The following SDCBP2 variants were observed in gnomAD, a reference collection of about 807,000 sequenced individuals.
SDCBP2 encodes the protein syntenin-2.
SDCBP2 carries 28 observed loss-of-function variants against 30.7 expected under a neutral mutation model. The observed-to-expected ratio is 0.91, with a 90% CI of 0.68 to 1.25. The LOEUF is 1.25. Among genes scored for constraint, SDCBP2 ranks in the 50% most tolerant of loss-of-function variants. SDCBP2 has a pLI of 0.00. For synonymous variants in SDCBP2, 166 were observed against 157.3 expected (o/e 1.06, Z -0.41); for missense variants, 399 against 379.0 (o/e 1.05, Z -0.44).
At chr20:1,316,249 T>A (rs909806992) in intron 4 of SDCBP2, among the ~76,000 whole-genome samples, 9 of 152,192 alleles carry the variant, frequency 5.9e-5, no homozygotes, top group Non-Finnish European at 1.2e-4. Context: ...ATTAAGACCA[T>A]GATGAGCCAT....
At chr20:1,312,967 T>A (rs1292608175) in intron 5 of SDCBP2, 1 of 619,934 alleles carries the variant, frequency 1.6e-6, no homozygotes, top group Admixed American at 3.0e-5. Flanking sequence ...GAGTCAGGAT[T>A]TCAACCCTGG....
At position 1,313,330 on chromosome 20, in the gene SDCBP2, C is replaced by G. The variant is rs760804497; in HGVS notation, c.384+10G>C. The G allele has an allele frequency of 1.1e-5, 17 of 1,609,768 alleles. No homozygotes were observed. The highest frequency in any genetic ancestry group is 1.3e-5 in the African/African-American group (1 of 74,890). On this transcript the variant is annotated intron_variant, in intron 5 of 8. Transcript: ENST00000360779. This position sits in a 1 kb window ranked among gnomAD's most constrained non-coding sequence, Gnocchi z 5.2. Reference sequence around the variant, plus strand: ...CGAGCTCCTCTTCCCACCCAGCCCCCGCGCCCTACCTGGTCGACCTTCCGC... The same window carrying G: ...CGAGCTCCTCTTCCCACCCAGCCCCGGCGCCCTACCTGGTCGACCTTCCGC...
intron 2 of SDCBP2, among the ~76,000 whole-genome samples, 160 bp from the exon 3 acceptor site, chr20:1,319,819 G>A (rs1014673741): frequency 1.3e-5 from 2 of 152,208 alleles, no homozygotes; most frequent in African/African-American, 2.4e-5. Flanking sequence ...TCACGTAAAC[G>A]TGGCCTCCGC....
In SDCBP2 at chr20:1,313,204, G is replaced by T; in HGVS notation, c.384+136C>A. ...GGGTCTCGGGGAGGAGGGACTGGGGGCAAGAGCCTGGCCGCTGGGGTTAGG... is the reference window on the plus strand; with the variant it reads ...GGGTCTCGGGGAGGAGGGACTGGGGTCAAGAGCCTGGCCGCTGGGGTTAGG... On this transcript the variant is annotated intron_variant, in intron 5 of 8. Transcript: ENST00000360779. The surrounding 1 kb of genome is among the most constrained non-coding windows in gnomAD (Gnocchi z 5.2). 1.1e-6 allele frequency: 1 copy of T among 929,784 alleles called. No individual in the cohort carries two copies. Among genetic ancestry groups the T allele is most frequent in the Non-Finnish European group, 1.6e-6 (1 of 613,290 alleles). 57.6% of individuals were successfully genotyped at this position (929,784 alleles called of 1,614,324 possible).
At chr20:1,316,929 C>T (rs1463059143) in intron 4 of SDCBP2, among the ~76,000 whole-genome samples, 3 of 152,166 alleles carry the variant, frequency 2.0e-5, no homozygotes, top group Non-Finnish European at 4.4e-5. Context: ...CTATTATTGA[C>T]ACACACAACA....
chr20:1,317,139 T>C (rs2088788883), intron 4 of SDCBP2, among the ~76,000 whole-genome samples: 1 of 152,128 alleles, frequency 6.6e-6, no homozygotes, highest in South Asian at 2.1e-4. Context: ...AGGGAGGTGG[T>C]TGTGGTGATG....
chr20:1,315,883 C>G (rs932553384), intron 4 of SDCBP2, among the ~76,000 whole-genome samples: 1 of 152,120 alleles, frequency 6.6e-6, no homozygotes, highest in Non-Finnish European at 1.5e-5. Context: ...ACACTACAGA[C>G]AAGCCCCAGC....
In SDCBP2 at chr20:1,313,876, A is replaced by T. The variant is rs2088727696; in HGVS notation, c.226-378T>A. On this transcript the variant is annotated intron_variant, in intron 4 of 8. Coordinates refer to ENST00000360779, the MANE Select transcript of SDCBP2 (RefSeq NM_080489.5). The surrounding 1 kb of genome is among the most constrained non-coding windows in gnomAD (Gnocchi z 5.2). Reference sequence around the variant, plus strand: ...GGACTGGATTTTTGTCTTGAGAAAAATGTAAAAATATACAAATTCATGATG... The same window carrying T: ...GGACTGGATTTTTGTCTTGAGAAAATTGTAAAAATATACAAATTCATGATG... 6.6e-6 allele frequency among the ~76,000 whole-genome samples: 1 copy of T among 150,906 alleles called. No homozygotes were observed. Among genetic ancestry groups the T allele is most frequent in the African/African-American group, 2.4e-5 (1 of 41,170 alleles).
At chr20:1,314,744 G>A (rs557497649) in intron 4 of SDCBP2, among the ~76,000 whole-genome samples, 29 of 151,790 alleles carry the variant, frequency 1.9e-4, no homozygotes, top group African/African-American at 6.5e-4. Context: ...AAACAAAAAC[G>A]AAGCAAAATA....
intron 1 of SDCBP2, chr20:1,322,502 CTA>C (rs1236538128): frequency 1.3e-5 from 2 of 152,216 alleles, no homozygotes; most frequent in East Asian, 3.8e-4. Flanking sequence ...CTCTAGTATC[CTA>C]AGAACACCCA....
Position 1,312,582 on chromosome 20 carries a change from C to T in SDCBP2, c.560+5G>A. 1 of 1,613,548 alleles carries T rather than the reference C, an allele frequency of 6.2e-7. No homozygotes were observed. The highest frequency in any genetic ancestry group is 8.5e-7 in the Non-Finnish European group (1 of 1,179,550). On this transcript the variant is annotated splice_donor_5th_base_variant and intron_variant, in intron 6 of 8. Transcript: ENST00000360779. The stretch of plus-strand genomic sequence containing the variant: ...CGGAGAGGCTGCCCGGGCCTGGCTA[C>T]TCACCTGTCCCGAACCACCACGACA...
In SDCBP2 at chr20:1,312,421, G is replaced by A. The variant is rs2088689448; in HGVS notation, c.648C>T (p.Val216=). 6.2e-7 allele frequency: 1 copy of A among 1,613,790 alleles called. No homozygotes were observed. The highest frequency in any genetic ancestry group is 8.5e-7 in the Non-Finnish European group (1 of 1,179,916). The change falls in exon 7 of 9, where the codon GTC becomes GTT. Residue 216 remains valine (V), a synonymous_variant. Coordinates refer to ENST00000360779, the MANE Select transcript of SDCBP2 (RefSeq NM_080489.5). Reference sequence around the variant, plus strand: ...CGTTGCGGGCCGCAGAACTCCCTTTGACCAGAGAGACAATCTTCCCCTTCT... The same window carrying A: ...CGTTGCGGGCCGCAGAACTCCCTTTAACCAGAGAGACAATCTTCCCCTTCT... ...VIKKGKIVSL[V]KGSSAARNGL...
chr20:1,322,989 T>A (rs2088868064), intron 1 of SDCBP2: 1 of 135,220 alleles, frequency 7.4e-6, no homozygotes, highest in African/African-American at 3.0e-5. Flanking sequence ...GCTGGAATAG[T>A]GCATGGCAAC....
At chr20:1,316,161 T>G (rs1031490519) in intron 4 of SDCBP2, among the ~76,000 whole-genome samples, 1 of 151,954 alleles carries the variant, frequency 6.6e-6, no homozygotes, top group African/African-American at 2.4e-5. Context: ...TGAAGAAACA[T>G]TTTACCGGAA....
At chr20:1,318,272 G>T (rs781096510) in intron 4 of SDCBP2, 46 bp downstream of exon 4, 8 of 1,285,266 alleles carry the variant, frequency 6.2e-6, no homozygotes, top group Non-Finnish European at 9.1e-6. Context: ...AAAAAGGGAG[G>T]ATTGGGAGGT....
rs756883625 is a variant in SDCBP2, at chr20:1,313,277, G to C, written c.384+63C>G. 6.5e-7 allele frequency: 1 copy of C among 1,539,830 alleles called. No homozygotes were observed. The highest frequency in any genetic ancestry group is 1.4e-5 in the African/African-American group (1 of 73,330). On this transcript the variant is annotated intron_variant, in intron 5 of 8. Coordinates refer to ENST00000360779, the MANE Select transcript of SDCBP2 (RefSeq NM_080489.5). This position sits in a 1 kb window ranked among gnomAD's most constrained non-coding sequence, Gnocchi z 5.2. ...ACTGTGGACGGGCCCTCTGAGCTCT[G>C]AGGCCTGGCGGGAGAGCGCGTGCAG...
intron 1 of SDCBP2, chr20:1,325,782 G>C (rs907572224): frequency 6.6e-6 from 1 of 152,154 alleles, no homozygotes; most frequent in Admixed American, 6.5e-5. Context: ...CAAGTCCCAA[G>C]GTATTTCCTA....
At position 1,310,144 on chromosome 20, in the gene SDCBP2, C is replaced by T. The variant is rs932677110; in HGVS notation, c.*297G>A. The T allele has an allele frequency of 1.6e-5, 5 of 311,544 alleles. No homozygotes were observed. Among genetic ancestry groups the T allele is most frequent in the Admixed American group, 9.4e-5 (2 of 21,316 alleles). The allele number at this position is 311,544 out of a possible 1,614,324, so 19.3% of individuals were successfully genotyped here. A position where few individuals can be genotyped will look rare whatever the true frequency, so the allele number is the denominator to read the frequency against. On this transcript the variant is annotated 3_prime_UTR_variant, in exon 9 of 9. Coordinates refer to ENST00000360779, the MANE Select transcript of SDCBP2 (RefSeq NM_080489.5). The stretch of plus-strand genomic sequence containing the variant: ...GTAGAGCAAAATTTCTTGAAAGGGG[C>T]CCAGTTGCGACTTTAAGCAGCGTTT...
intron 4 of SDCBP2, 59 bp downstream of exon 4, chr20:1,318,259 A>G: frequency 3.4e-6 from 4 of 1,164,476 alleles, no homozygotes; most frequent in Non-Finnish European, 5.2e-6. Context: ...TGGCAAGACC[A>G]GGAAAAAGGG....
Sources: allele counts gnomAD v4.1 joint callset (sites outside exome capture counted in the v4.1 genomes callset), GRCh38; gene constraint gnomAD v4.1.1; non-coding constraint Gnocchi (gnomAD v3.1); transcripts MANE v1.5; gene names NCBI Gene and HGNC (gene_info 2026-07-23, HGNC 2026-07-21).